CDK2: variants seen among roughly 807,000 people sequenced by gnomAD.
CDK2 encodes the protein cyclin dependent kinase 2.
Under a neutral mutation model 35.0 loss-of-function variants are expected in CDK2, and 8 were observed. The observed-to-expected ratio is 0.23, with a 90% confidence interval of 0.13 to 0.41. The LOEUF is 0.41. CDK2 is among the 10% of genes least tolerant of loss of function. The pLI, the probability that CDK2 is intolerant of heterozygous loss-of-function variation, is 1.00. For synonymous variants in CDK2, 134 were observed against 137.7 expected, an observed-to-expected ratio of 0.97 and a Z score of 0.19; for missense variants, 201 against 367.1, an observed-to-expected ratio of 0.55 and a Z score of 3.70.
chr12:55,971,517 C>G lies in CDK2; in HGVS notation c.793-4C>G. 1 of 1,609,900 alleles carries G rather than the reference C, an allele frequency of 6.2e-7. No homozygotes were observed. Among genetic ancestry groups the G allele is most frequent in the Non-Finnish European group, 8.5e-7 (1 of 1,176,134 alleles). ...TTGAAGTCAACATGCATCTCTCCCT[C>G]TAGCAAATGCTGCACTACGACCCTA... On this transcript the variant is annotated splice_region_variant and splice_polypyrimidine_tract_variant and intron_variant, in intron 6 of 6. Transcript: ENST00000266970.
Position 55,971,190 on chromosome 12 carries a change from G to A in CDK2, c.735G>A (p.Arg245=). 6.2e-7 allele frequency: 1 copy of A among 1,614,092 alleles called. No homozygotes were observed. Among genetic ancestry groups the A allele is most frequent in the Non-Finnish European group, 8.5e-7 (1 of 1,180,026 alleles). Residue 245 remains arginine (R), a synonymous_variant, in exon 6 of 7, where the codon CGG becomes CGA. Transcript: ENST00000266970. ...DYKPSFPKWA[R]QDFSKVVPPL... The stretch of plus-strand genomic sequence containing the variant: ...AGCCAAGTTTCCCCAAGTGGGCCCG[G>A]CAAGATTTTAGTAAAGTTGTACCTC...
chr12:55,970,833 C>T lies in CDK2; in HGVS notation c.589-211C>T, dbSNP rs1592785305. On this transcript the variant is annotated intron_variant, in intron 5 of 6. Coordinates refer to ENST00000266970, the MANE Select transcript of CDK2 (RefSeq NM_001798.5). Reference sequence around the variant, plus strand: ...CACCCAGCCTTGGGGATCTGCAAAGCCATGGTTGGGGGAAGGAAGGAGGGG... The same window carrying T: ...CACCCAGCCTTGGGGATCTGCAAAGTCATGGTTGGGGGAAGGAAGGAGGGG... The T allele has an allele frequency of 8.6e-6, 6 of 696,410 alleles. No individual in the cohort carries two copies. The East Asian group carries it at 1.3e-4, about 16-fold the overall frequency. 43.1% of individuals were successfully genotyped at this position (696,410 alleles called of 1,614,324 possible).
chr12:55,967,897 T>C lies in CDK2; in HGVS notation c.157T>C (p.Ser53Pro). Residue 53 changes from serine (S) to proline (P), a missense_variant, in exon 2 of 7, where the codon TCT becomes CCT. Ser to Pro is a moderately conservative substitution (Grantham distance 74, BLOSUM62 -1). Around this residue, in one of 5 missense-constraint regions of CDK2, gnomAD observed 37 missense variants for 108.4 expected, o/e 0.34. Coordinates refer to ENST00000266970, the MANE Select transcript of CDK2 (RefSeq NM_001798.5). Reference protein sequence around the residue: ...GVPSTAIREISLLKELNHPNI... With the variant: ...GVPSTAIREIPLLKELNHPNI... ...GCCCAGTACTGCCATCCGAGAGATCTCTCTGCTTAAGGAGCTTAACCATCC... is the reference window on the plus strand; with the variant it reads ...GCCCAGTACTGCCATCCGAGAGATCCCTCTGCTTAAGGAGCTTAACCATCC... 6.2e-7 allele frequency: 1 copy of C among 1,614,150 alleles called. No individual in the cohort carries two copies. The highest frequency in any genetic ancestry group is 8.5e-7 in the Non-Finnish European group (1 of 1,180,010).
chr12:55,971,247 G>A lies in CDK2; in HGVS notation c.792G>A (p.Ser264=). 6.2e-7 allele frequency: 1 copy of A among 1,613,556 alleles called. No homozygotes were observed. The highest frequency in any genetic ancestry group is 8.5e-7 in the Non-Finnish European group (1 of 1,179,576). ...ATGAAGATGGACGGAGCTTGTTATC[G>A]GTGAGAGTGGGCACCTGTTTTCCCT... ...PLDEDGRSLL[S]QMLHYDPNKR... The change falls in exon 6 of 7, where the codon TCG becomes TCA. Residue 264 remains serine, a splice_region_variant and synonymous_variant. Transcript: ENST00000266970.
Position 55,971,699 on chromosome 12 carries a change from C to G in CDK2, c.*74C>G. 9.0e-7 allele frequency: 1 copy of G among 1,114,974 alleles called. No individual in the cohort carries two copies. Among genetic ancestry groups the G allele is most frequent in the Non-Finnish European group, 1.4e-6 (1 of 736,932 alleles). The allele number at this position is 1,114,974 out of a possible 1,614,324, so 69.1% of individuals were successfully genotyped here. A position where few individuals can be genotyped will look rare whatever the true frequency, so the allele number is the denominator to read the frequency against. ...GGGCTTGACCAGGCTTGGCCTTGGG[C>G]TATTTGGACTCAGGTGGGCCCTCTG... On this transcript the variant is annotated 3_prime_UTR_variant, in exon 7 of 7. Coordinates refer to ENST00000266970, the MANE Select transcript of CDK2 (RefSeq NM_001798.5).
intron 3 of CDK2, chr12:55,968,450 T>G (rs1889393191): frequency 2.1e-6 from 1 of 481,314 alleles, no homozygotes; most frequent in African/African-American, 1.9e-5. Context: ...ACTTGGTAAA[T>G]TCCTCCAAAA....
Position 55,971,039 on chromosome 12 carries a change from T to G in CDK2, c.589-5T>G, listed in dbSNP as rs1478795403. 5.0e-6 allele frequency: 8 copies of G among 1,613,702 alleles called. No homozygotes were observed. The East Asian group carries it at 1.8e-4, about 36-fold the overall frequency. On this transcript the variant is annotated splice_polypyrimidine_tract_variant and splice_region_variant and intron_variant, in intron 5 of 6. Coordinates refer to ENST00000266970, the MANE Select transcript of CDK2 (RefSeq NM_001798.5). The stretch of plus-strand genomic sequence containing the variant: ...TCTTGGTATTTCCTCTTTCCCCATT[T>G]TCAGGTGACTCGCCGGGCCCTATTC...
chr12:55,970,250 C>T (rs1049026918), intron 5 of CDK2, among the ~76,000 whole-genome samples: 1 of 136,810 alleles, frequency 7.3e-6, no homozygotes, highest in East Asian at 2.2e-4. Context: ...GATTGCACCA[C>T]TGCACTCCAG....
rs954140910 is a variant in CDK2, at chr12:55,968,831, C to A, written c.369C>A (p.Val123=). ...TAGCTTTCTGCCATTCTCATCGGGTCCTCCACCGAGACCTTAAACCTCAGA... is the reference window on the plus strand; with the variant it reads ...TAGCTTTCTGCCATTCTCATCGGGTACTCCACCGAGACCTTAAACCTCAGA... ...QGLAFCHSHR[V]LHRDLKPQNL... The change falls in exon 4 of 7, where the codon GTC becomes GTA. Residue 123 remains valine, a synonymous_variant. Transcript: ENST00000266970. 1.9e-6 allele frequency: 3 copies of A among 1,611,688 alleles called. No homozygotes were observed. In the African/African-American group the frequency reaches 4.0e-5, roughly 22 times the overall value.
In CDK2 at chr12:55,966,971, C is replaced by A. The variant is rs2069397; in HGVS notation, c.-38C>A. On this transcript the variant is annotated 5_prime_UTR_variant, in exon 1 of 7. Coordinates refer to ENST00000266970, the MANE Select transcript of CDK2 (RefSeq NM_001798.5). The stretch of plus-strand genomic sequence containing the variant: ...GCCTTCTGCAGGGTTCCCAGGCCCC[C>A]GCTCCAGGGCCGGGCTGACCCGACT... The A allele has an allele frequency of 1.3e-4, 197 of 1,524,750 alleles. 1 individual carries two copies. The Admixed American group carries it at 3.4e-3, about 26-fold the overall frequency. 94.5% of individuals were successfully genotyped at this position (1,524,750 alleles called of 1,614,324 possible).
chr12:55,967,194 G>A, intron 1 of CDK2, 70 bp downstream of exon 1: 1 of 1,193,168 alleles, frequency 8.4e-7, no homozygotes, highest in Non-Finnish European at 1.2e-6. Flanking sequence ...CCCCCCACGG[G>A]CGGGTAGCCG....
At chr12:55,967,781 G>A (rs1220586930) in intron 1 of CDK2, 76 bp from the exon 2 acceptor site, 2 of 1,276,156 alleles carry the variant, frequency 1.6e-6, no homozygotes, top group African/African-American at 2.9e-5. Flanking sequence ...CTCCTTGGGG[G>A]AAAGAAATGA....
Position 55,970,221 on chromosome 12 carries a change from T to C in CDK2, c.588+645T>C, listed in dbSNP as rs374549025. Among the ~76,000 whole-genome samples the C allele has an allele frequency of 2.3e-5, 3 of 133,118 alleles. No homozygotes were observed. In the East Asian group the frequency reaches 6.7e-4, roughly 30 times the overall value. 87.3% of individuals were successfully genotyped at this position (133,118 alleles called of 152,430 possible). A position where few individuals can be genotyped will look rare whatever the true frequency, so the allele number is the denominator to read the frequency against. On this transcript the variant is annotated intron_variant, in intron 5 of 6. Transcript: ENST00000266970. ...AGGAGAATCGGTTGAACCCGGGAGA[T>C]GGAGGTTGCAGTGACCAAGATTGCA...
chr12:55,967,946 T>C lies in CDK2; in HGVS notation c.194+12T>C. On this transcript the variant is annotated intron_variant, in intron 2 of 6. Coordinates refer to ENST00000266970, the MANE Select transcript of CDK2 (RefSeq NM_001798.5). ...CCTAATATTGTCAAGTAAGTATGCG[T>C]CTGAGAGGTGATCCAGCTGGAAAGG... 6.2e-7 allele frequency: 1 copy of C among 1,613,842 alleles called. No homozygotes were observed. The highest frequency in any genetic ancestry group is 1.1e-5 in the South Asian group (1 of 91,062).
chr12:55,968,312 C>T, intron 3 of CDK2, 143 bp downstream of exon 3: 1 of 794,878 alleles, frequency 1.3e-6, no homozygotes, highest in Non-Finnish European at 2.0e-6. Context: ...TTTTGTGTCT[C>T]CTTCCCTGCT....
rs144432638 is a variant in CDK2, at chr12:55,969,621, C to G, written c.588+45C>G. On this transcript the variant is annotated intron_variant, in intron 5 of 6. Coordinates refer to ENST00000266970, the MANE Select transcript of CDK2 (RefSeq NM_001798.5). ...TTCCACCCAGCCCCCTCCCTCTCCT[C>G]CCCACATCCAAGAACAACAGAACTG... 286 of 1,105,176 alleles carry G rather than the reference C, an allele frequency of 2.6e-4. 2 individuals carry two copies. In the African/African-American group the frequency reaches 3.6e-3, roughly 14 times the overall value. The allele number at this position is 1,105,176 out of a possible 1,614,324, so 68.5% of individuals were successfully genotyped here.
Position 55,972,187 on chromosome 12 carries a change from C to T in CDK2, c.*562C>T. 1 of 152,466 alleles carries T rather than the reference C, an allele frequency of 6.6e-6. No individual in the cohort carries two copies. The highest frequency in any genetic ancestry group is 1.9e-4 in the East Asian group (1 of 5,208). The allele number at this position is 152,466 out of a possible 1,614,324, so 9.4% of individuals were successfully genotyped here. Reference sequence around the variant, plus strand: ...ACCTAATAGGCTGGGAGACTGAAGACTCAGCCCGGGTGGGGCTGCAGAAAA... The same window carrying T: ...ACCTAATAGGCTGGGAGACTGAAGATTCAGCCCGGGTGGGGCTGCAGAAAA... On this transcript the variant is annotated 3_prime_UTR_variant, in exon 7 of 7. Transcript: ENST00000266970.
chr12:55,970,036 C>CTT (rs1255404334), intron 5 of CDK2, among the ~76,000 whole-genome samples: 1 of 152,020 alleles, frequency 6.6e-6, no homozygotes, highest in Admixed American at 6.6e-5. Flanking sequence ...AATACCAGCA[C>CTT]TTTGGGAGGC....
Position 55,968,135 on chromosome 12 carries a change from C to T in CDK2, c.281C>T (p.Ser94Phe). 1 of 1,614,002 alleles carries T rather than the reference C, an allele frequency of 6.2e-7. No individual in the cohort carries two copies. ...GATCTCAAGAAATTCATGGATGCCT[C>T]TGCTCTCACTGGCATTCCTCTTCCC... ...HQDLKKFMDA[S>F]ALTGIPLPLI... Residue 94 changes from serine (S) to phenylalanine (F), a missense_variant, in exon 3 of 7, where the codon TCT (serine) becomes TTT (phenylalanine). Ser to Phe is a radical substitution (Grantham distance 155, BLOSUM62 -2). Coordinates refer to ENST00000266970, the MANE Select transcript of CDK2 (RefSeq NM_001798.5).
Sources: allele counts gnomAD v4.1 joint callset (sites outside exome capture counted in the v4.1 genomes callset), GRCh38; gene constraint gnomAD v4.1.1; regional missense constraint gnomAD v4.1.1; transcripts MANE v1.5; gene names NCBI Gene and HGNC (gene_info 2026-07-23, HGNC 2026-07-21).